Variants in AFAP1L2 observed in about 807,000 individuals in gnomAD.
AFAP1L2 encodes the protein actin filament-associated protein 1-like 2.
Under a neutral mutation model 99.3 loss-of-function variants are expected in AFAP1L2, and 46 were observed. That is an observed-to-expected ratio of 0.46 (90% CI 0.37 to 0.59). The LOEUF (loss-of-function observed/expected upper bound fraction) is 0.59. AFAP1L2 is among the 20% of genes least tolerant of loss of function. AFAP1L2 has a pLI of 0.00. For missense variants in AFAP1L2, 959 were observed against 1,034.9 expected (o/e 0.93, Z 1.01); for synonymous variants, 397 against 419.1 (o/e 0.95, Z 0.64).
intron 1 of AFAP1L2, among the ~76,000 whole-genome samples, chr10:114,345,096 C>CAA (rs546367453): frequency 0.013 from 996 of 78,462 alleles, 14 homozygotes; most frequent in African/African-American, 0.043. Context: ...GACTCCATCT[C>CAA]AAAAAAAAAA....
At chr10:114,314,182 G>A (rs2043746860) in intron 6 of AFAP1L2, 132 bp from the exon 7 acceptor site, 1 of 817,804 alleles carries the variant, frequency 1.2e-6, no homozygotes. Flanking sequence ...CTAAGAGGCT[G>A]GACACCCCGA....
chr10:114,394,147 C>T (rs746295161), intron 1 of AFAP1L2, among the ~76,000 whole-genome samples: 10 of 152,100 alleles, frequency 6.6e-5, no homozygotes, highest in Admixed American at 1.3e-4. Context: ...GCCGGGGGGA[C>T]GACCGGCAAA....
At chr10:114,288,239 T>A in the AFAP1L2 span, among the ~76,000 whole-genome samples, 2 of 152,210 alleles carry the variant, frequency 1.3e-5, no homozygotes, top group African/African-American at 4.8e-5. Flanking sequence ...TGACCCCTTC[T>A]CCCAGTCTTG....
At chr10:114,305,965 G>A (rs1336532522) in intron 10 of AFAP1L2, among the ~76,000 whole-genome samples, 7 of 107,992 alleles carry the variant, frequency 6.5e-5, no homozygotes, top group East Asian at 3.4e-4. Flanking sequence ...TGCAGGGGGG[G>A]TGCAGGTACA....
At position 114,297,220 on chromosome 10, in the gene AFAP1L2, G is replaced by A. The variant is rs370544874; in HGVS notation, c.2307C>T (p.Arg769=). ...DTTHLENVSP[R]PKAVTPASAP... The stretch of plus-strand genomic sequence containing the variant: ...CAGAGGCCGCAGTTCCAGCACTCAC[G>A]CGGGGGCTCACATTCTCCAGGTGGG... Residue 769 remains arginine (R), a splice_region_variant and synonymous_variant, in exon 17 of 19, where the codon CGC becomes CGT. Transcript: ENST00000304129. The A allele has an allele frequency of 8.4e-5, 116 of 1,387,392 alleles. No individual in the cohort carries two copies. The highest frequency in any genetic ancestry group is 5.5e-4 in the Admixed American group (29 of 52,572). 85.9% of individuals were successfully genotyped at this position (1,387,392 alleles called of 1,614,324 possible).
At chr10:114,294,427 G>A (rs2039882295), downstream of AFAP1L2, among the ~76,000 whole-genome samples, 1 of 152,032 alleles carries the variant, frequency 6.6e-6, no homozygotes, top group Non-Finnish European at 1.5e-5. Flanking sequence ...TTGTCTATTT[G>A]TCTCTTTAAT....
At chr10:114,344,566 A>G (rs1303487792) in intron 1 of AFAP1L2, among the ~76,000 whole-genome samples, 1 of 152,198 alleles carries the variant, frequency 6.6e-6, no homozygotes, top group Non-Finnish European at 1.5e-5. Context: ...TACCAAGCCA[A>G]AGGGTGGAAA....
At chr10:114,391,549 A>G (rs2057161003) in intron 1 of AFAP1L2, among the ~76,000 whole-genome samples, 1 of 152,164 alleles carries the variant, frequency 6.6e-6, no homozygotes, top group African/African-American at 2.4e-5. Flanking sequence ...CTCACAATAT[A>G]CCACACGTGA....
chr10:114,310,236 T>C lies in AFAP1L2; in HGVS notation c.882+118A>G, dbSNP rs144465947. The C allele has an allele frequency of 2.0e-5, 21 of 1,075,270 alleles. No individual in the cohort carries two copies. In the African/African-American group the frequency reaches 2.9e-4, roughly 15 times the overall value. 66.6% of individuals were successfully genotyped at this position (1,075,270 alleles called of 1,614,324 possible). Reference sequence around the variant, plus strand: ...GCCCACCCTGCCCGGCCTCAAGCATTGTATGTTTCTTATTAATTGGACTGA... The same window carrying C: ...GCCCACCCTGCCCGGCCTCAAGCATCGTATGTTTCTTATTAATTGGACTGA... On this transcript the variant is annotated intron_variant, in intron 8 of 18. Transcript: ENST00000304129.
chr10:114,291,548 A>G (rs1795465643), downstream of AFAP1L2: 1 of 348,948 alleles, frequency 2.9e-6, no homozygotes, highest in Non-Finnish European at 5.2e-6. Flanking sequence ...GTCATCTGCC[A>G]CCTTTCCCTT....
chr10:114,401,204 G>A (rs1455843944), intron 1 of AFAP1L2, among the ~76,000 whole-genome samples: 1 of 152,182 alleles, frequency 6.6e-6, no homozygotes, highest in East Asian at 1.9e-4. Flanking sequence ...CTAAATTGAA[G>A]CTGAATATCT....
chr10:114,390,002 G>A (rs4752348), intron 1 of AFAP1L2, among the ~76,000 whole-genome samples: 68,616 of 151,968 alleles, frequency 0.45, 15,845 homozygotes, highest in Admixed American at 0.55. Flanking sequence ...GCAAACTCAT[G>A]CAATTTCCTT....
chr10:114,319,755 C>A (rs146022448), intron 5 of AFAP1L2: 3 of 681,060 alleles, frequency 4.4e-6, no homozygotes, highest in Non-Finnish European at 6.6e-6. Flanking sequence ...TGTGGCAACT[C>A]GGCTGCCAGT....
intron 1 of AFAP1L2, 169 bp from the exon 2 acceptor site, chr10:114,340,900 T>A: frequency 1.1e-6 from 1 of 884,900 alleles, no homozygotes; most frequent in Non-Finnish European, 1.8e-6. Flanking sequence ...AAGATGGGAT[T>A]CTCAGCTCCA....
At chr10:114,289,451 G>C in the AFAP1L2 span, 2 of 1,614,136 alleles carry the variant, frequency 1.2e-6, no homozygotes, top group Non-Finnish European at 8.5e-7. Context: ...GCCGACCTGC[G>C]GTACCACCAG....
intron 2 of AFAP1L2, among the ~76,000 whole-genome samples, chr10:114,337,500 G>A (rs1355422174): frequency 6.6e-6 from 1 of 152,202 alleles, no homozygotes; most frequent in East Asian, 1.9e-4. Flanking sequence ...AGGCCTCAGT[G>A]TGGCTGTGCA....
At chr10:114,382,487 A>C (rs1429755126) in intron 1 of AFAP1L2, among the ~76,000 whole-genome samples, 2 of 152,126 alleles carry the variant, frequency 1.3e-5, no homozygotes, top group Non-Finnish European at 2.9e-5. Flanking sequence ...GGACAAAGAC[A>C]GGCTGGCTAA....
At chr10:114,375,902 G>A (rs972095938) in intron 1 of AFAP1L2, among the ~76,000 whole-genome samples, 2 of 152,190 alleles carry the variant, frequency 1.3e-5, no homozygotes, top group African/African-American at 2.4e-5. Flanking sequence ...AGAGGCTGCA[G>A]TGAGCTATAA....
Position 114,304,787 on chromosome 10 carries a change from C to A in AFAP1L2, c.1216G>T (p.Asp406Tyr), listed in dbSNP as rs1404566515. 1 of 1,612,954 alleles carries A rather than the reference C, an allele frequency of 6.2e-7. No individual in the cohort carries two copies. The highest frequency in any genetic ancestry group is 8.5e-7 in the Non-Finnish European group (1 of 1,179,988). ...GAGTAGAGGTGGTCGGGGCTGGGGTCTGGGACCACCTCGCAGCCCACCAGG... is the reference window on the plus strand; with the variant it reads ...GAGTAGAGGTGGTCGGGGCTGGGGTATGGGACCACCTCGCAGCCCACCAGG... ...LSLVGCEVVP[D>Y]PSPDHLYSFR... The change falls in exon 11 of 19, where the codon GAC (aspartate) becomes TAC (tyrosine). Residue 406 changes from aspartate to tyrosine, a missense_variant. Physicochemically the swap from Asp to Tyr is radical, Grantham distance 160 (BLOSUM62 -3). Around this residue, in one of 2 missense-constraint regions of AFAP1L2, gnomAD observed 576 missense variants for 562.1 expected, o/e 1.02. Coordinates refer to ENST00000304129, the MANE Select transcript of AFAP1L2 (RefSeq NM_001001936.3).
Sources: gnomAD v4.1 joint callset for allele counts (sites outside exome capture counted in the v4.1 genomes callset) on GRCh38, gnomAD v4.1.1 for gene constraint, gnomAD v4.1.1 regional missense constraint, MANE v1.5 for transcripts, NCBI Gene and HGNC (gene_info 2026-07-23, HGNC 2026-07-21) for gene names.